Variants in CHL1 observed in about 807,000 individuals in gnomAD.
CHL1 encodes the protein cell adhesion molecule L1 like.
A neutral mutation model predicts 141.9 loss-of-function variants in CHL1; 96 were observed. The ratio of observed to expected loss-of-function variants is 0.68; its 90% CI spans 0.57 to 0.80. CHL1 has a LOEUF of 0.80. CHL1 is among the 30% of genes least tolerant of loss of function. The probability of loss-of-function intolerance (pLI) is 0.00; values close to 1 mark genes in which losing one functional copy is unlikely to be tolerated. For missense variants in CHL1, 1,820 were observed against 1,457.2 expected (o/e 1.25, Z -4.05); for synonymous variants, 613 against 502.2 (o/e 1.22, Z -2.95).
intron 10 of CHL1, among the ~76,000 whole-genome samples, chr3:351,872 A>T (rs143830892): frequency 0.018 from 2,756 of 152,286 alleles, 38 homozygotes; most frequent in South Asian, 0.057. Context: ...ACAACTGTAT[A>T]TTCTAAATAT....
chr3:378,523 T>A (rs183113201), intron 16 of CHL1, among the ~76,000 whole-genome samples: 1 of 152,226 alleles, frequency 6.6e-6, no homozygotes, highest in Admixed American at 6.5e-5. Context: ...AAATCACCAA[T>A]GTTTAAAGCT....
chr3:316,459 G>A lies in CHL1; in HGVS notation c.-94-3224G>A, dbSNP rs76427632. On this transcript the variant is annotated intron_variant, in intron 2 of 27. Transcript: ENST00000256509. ...CAAGCTAAATTTTTCTTTTGAAGTG[G>A]TTGGCAGGGATGTTTTTTTTCCTAA... Among the ~76,000 whole-genome samples the A allele has an allele frequency of 6.5e-4, 98 of 151,764 alleles. No homozygotes were observed. In the East Asian group the frequency reaches 0.018, roughly 28 times the overall value.
At chr3:238,500 G>A (rs1446137566) in intron 1 of CHL1, among the ~76,000 whole-genome samples, 2 of 152,130 alleles carry the variant, frequency 1.3e-5, no homozygotes, top group Admixed American at 6.6e-5. Context: ...CAACATATGT[G>A]TATTAAGCAA....
chr3:237,278 C>G (rs943658853), intron 1 of CHL1, among the ~76,000 whole-genome samples: 1 of 152,208 alleles, frequency 6.6e-6, no homozygotes, highest in Non-Finnish European at 1.5e-5. Context: ...CACTCTGTCT[C>G]TCTGCTGCCA....
At chr3:303,760 T>G (rs938009583) in intron 2 of CHL1, among the ~76,000 whole-genome samples, 1 of 152,196 alleles carries the variant, frequency 6.6e-6, no homozygotes, top group Non-Finnish European at 1.5e-5. Flanking sequence ...TCCAATACTA[T>G]GTTGAATAGG....
intron 1 of CHL1, among the ~76,000 whole-genome samples, chr3:228,478 T>TACAC (rs4003420): frequency 0.011 from 1,725 of 150,236 alleles, 27 homozygotes; most frequent in African/African-American, 0.036. Flanking sequence ...TAAATATGTG[T>TACAC]ACACACACAC....
At chr3:373,276 G>A (rs979736356) in intron 15 of CHL1, among the ~76,000 whole-genome samples, 1 of 152,194 alleles carries the variant, frequency 6.6e-6, no homozygotes, top group African/African-American at 2.4e-5. Flanking sequence ...AGGGAGATCT[G>A]GATTCTGTCC....
intron 2 of CHL1, among the ~76,000 whole-genome samples, chr3:274,606 C>G (rs1045980525): frequency 6.6e-6 from 1 of 152,158 alleles, no homozygotes; most frequent in South Asian, 2.1e-4. Flanking sequence ...CTCTAGTGAG[C>G]TGTAGGCTGA....
intron 5 of CHL1, among the ~76,000 whole-genome samples, chr3:330,241 G>C (rs1701329919): frequency 1.3e-5 from 2 of 152,042 alleles, no homozygotes; most frequent in South Asian, 4.1e-4. Flanking sequence ...GTGAGTCTTA[G>C]GTCAAGTACC....
Position 407,255 on chromosome 3 carries a change from T to C in CHL1, c.*1544T>C, listed in dbSNP as rs1351150504. 6.6e-6 allele frequency: 1 copy of C among 152,134 alleles called. No homozygotes were observed. Among genetic ancestry groups the C allele is most frequent in the Non-Finnish European group, 1.5e-5 (1 of 68,020 alleles). The allele number at this position is 152,134 out of a possible 1,614,324, so 9.4% of individuals were successfully genotyped here. Reference sequence around the variant, plus strand: ...TTAGTTTTTGAACTGTGATTATTGGTATACTGTTATATCCTCAACTTGGAT... The same window carrying C: ...TTAGTTTTTGAACTGTGATTATTGGCATACTGTTATATCCTCAACTTGGAT... On this transcript the variant is annotated 3_prime_UTR_variant, in exon 28 of 28. Coordinates refer to ENST00000256509, the MANE Select transcript of CHL1 (RefSeq NM_006614.4).
intron 2 of CHL1, among the ~76,000 whole-genome samples, chr3:291,761 C>T (rs2125342669): frequency 6.6e-6 from 1 of 152,128 alleles, no homozygotes; most frequent in South Asian, 2.1e-4. Context: ...TTGGTTTATA[C>T]TTGTTCAAAA....
chr3:369,351 C>G (rs1332786813), intron 15 of CHL1, among the ~76,000 whole-genome samples: 2 of 151,790 alleles, frequency 1.3e-5, no homozygotes, highest in African/African-American at 4.8e-5. Flanking sequence ...ATTTGATTCT[C>G]TTTGTAGCAA....
At chr3:235,404 G>A (rs1266528358) in intron 1 of CHL1, among the ~76,000 whole-genome samples, 1 of 152,018 alleles carries the variant, frequency 6.6e-6, no homozygotes, top group African/African-American at 2.4e-5. Flanking sequence ...TACCTCATGG[G>A]TTGTAAGGAT....
In CHL1 at chr3:406,879, A is replaced by G. The variant is rs1361511155; in HGVS notation, c.*1168A>G. 1 of 152,128 alleles carries G rather than the reference A, an allele frequency of 6.6e-6. No homozygotes were observed. Among genetic ancestry groups the G allele is most frequent in the Non-Finnish European group, 1.5e-5 (1 of 68,014 alleles). 9.4% of individuals were successfully genotyped at this position (152,128 alleles called of 1,614,324 possible). On this transcript the variant is annotated 3_prime_UTR_variant, in exon 28 of 28. Coordinates refer to ENST00000256509, the MANE Select transcript of CHL1 (RefSeq NM_006614.4). ...GGGAAATGTTTTCATATTTTTCAAA[A>G]TAGGTTTTTATTGTTGAATGTACAT...
intron 11 of CHL1, among the ~76,000 whole-genome samples, chr3:355,912 C>T (rs574072657): frequency 2.0e-5 from 3 of 152,154 alleles, no homozygotes; most frequent in African/African-American, 4.8e-5. Flanking sequence ...TATCACTGAC[C>T]CTCTTCAAAC....
At chr3:349,255 C>T (rs1246337405) in intron 9 of CHL1, 104 bp from the exon 10 acceptor site, 4 of 902,688 alleles carry the variant, frequency 4.4e-6, no homozygotes, top group Non-Finnish European at 6.8e-6. Context: ...GGAATATGAG[C>T]ACATGTGTAA....
intron 2 of CHL1, among the ~76,000 whole-genome samples, chr3:285,927 T>A (rs1311617380): frequency 6.6e-6 from 1 of 152,218 alleles, no homozygotes; most frequent in South Asian, 2.1e-4. Context: ...GTGATGACTT[T>A]ATTCAGTTTT....
chr3:386,218 A>T (rs1169074973), intron 19 of CHL1, among the ~76,000 whole-genome samples: 1 of 152,134 alleles, frequency 6.6e-6, no homozygotes, highest in South Asian at 2.1e-4. Context: ...GAAAAAAAAA[A>T]AAAAAAAGCT....
intron 1 of CHL1, among the ~76,000 whole-genome samples, chr3:209,220 C>G (rs190270369): frequency 6.6e-5 from 10 of 152,262 alleles, no homozygotes; most frequent in Non-Finnish European, 1.5e-5. Context: ...AATTTAGAAC[C>G]ATTCTAATAT....
Sources: gnomAD v4.1 joint callset for allele counts (sites outside exome capture counted in the v4.1 genomes callset) on GRCh38, gnomAD v4.1.1 for gene constraint, MANE v1.5 for transcripts, NCBI Gene and HGNC (gene_info 2026-07-23, HGNC 2026-07-21) for gene names.